Variants in SH3KBP1 observed in about 807,000 individuals in gnomAD.
SH3KBP1 encodes SH3 domain-containing kinase-binding protein 1.
A neutral mutation model predicts 50.1 loss-of-function variants in SH3KBP1; 8 were observed. That is an observed-to-expected ratio of 0.16 (90% CI 0.09 to 0.29). SH3KBP1 has a LOEUF of 0.29. Among genes scored for constraint, SH3KBP1 ranks in the 10% least tolerant of loss-of-function variants. The probability of loss-of-function intolerance (pLI) is 1.00; values close to 1 mark genes in which losing one functional copy is unlikely to be tolerated. For synonymous variants in SH3KBP1, 227 were observed against 218.6 expected (o/e 1.04, Z -0.34); for missense variants, 377 against 535.2 (o/e 0.70, Z 2.92).
intron 1 of SH3KBP1, among the ~76,000 whole-genome samples, chrX:19,857,278 T>A (rs1037549431): frequency 5.4e-5 from 6 of 110,449 alleles, no homozygotes; most frequent in Non-Finnish European, 9.4e-5. Context: ...TATAAATATG[T>A]GTTCTCTGAT....
intron 6 of SH3KBP1, among the ~76,000 whole-genome samples, chrX:19,669,178 C>G (rs113909277): frequency 1.7e-4 from 17 of 102,249 alleles, no homozygotes; most frequent in African/African-American, 5.9e-4. Context: ...GTTGCCGAGG[C>G]TAGTCTCAAA....
At chrX:19,600,867 A>C (rs773808936) in intron 9 of SH3KBP1, among the ~76,000 whole-genome samples, 71 of 111,126 alleles carry the variant, frequency 6.4e-4, no homozygotes, top group Non-Finnish European at 4.3e-4. Context: ...AAAACAGTGG[A>C]TATTAAGAGC....
chrX:19,859,502 G>T (rs2068732379), intron 1 of SH3KBP1, among the ~76,000 whole-genome samples: 1 of 111,817 alleles, frequency 8.9e-6, no homozygotes, highest in South Asian at 3.7e-4. Context: ...AGGCTGCAAG[G>T]TAAGATATAT....
At chrX:19,620,974 T>C (rs770673069) in intron 8 of SH3KBP1, among the ~76,000 whole-genome samples, 3 of 108,481 alleles carry the variant, frequency 2.8e-5, no homozygotes, top group East Asian at 2.8e-4. Context: ...AGATCTATGG[T>C]CCATTTTGAG....
At chrX:19,766,687 T>C (rs1358772926) in intron 2 of SH3KBP1, among the ~76,000 whole-genome samples, 1 of 107,525 alleles carries the variant, frequency 9.3e-6, no homozygotes, top group African/African-American at 3.4e-5. Flanking sequence ...GTATTTTTAG[T>C]AGAGATGGGG....
chrX:19,811,559 T>G (rs1206868027), intron 2 of SH3KBP1, among the ~76,000 whole-genome samples: 3 of 112,377 alleles, frequency 2.7e-5, no homozygotes, highest in African/African-American at 6.5e-5. Flanking sequence ...TGTTAATACT[T>G]CATCAATTCC....
chrX:19,846,649 A>G (rs907650629), intron 1 of SH3KBP1, among the ~76,000 whole-genome samples: 3 of 112,041 alleles, frequency 2.7e-5, no homozygotes, highest in African/African-American at 9.7e-5. Flanking sequence ...TCAAAACAGA[A>G]GAAGAAACAG....
chrX:19,599,370 C>T (rs766149101), intron 9 of SH3KBP1, among the ~76,000 whole-genome samples: 4 of 112,423 alleles, frequency 3.6e-5, no homozygotes, highest in African/African-American at 9.7e-5. Flanking sequence ...AGCAGAGGGG[C>T]ACCAGGGGAG....
intron 14 of SH3KBP1, among the ~76,000 whole-genome samples, chrX:19,548,704 G>A (rs2147624785): frequency 9.0e-6 from 1 of 111,220 alleles, no homozygotes; most frequent in African/African-American, 3.3e-5. Context: ...TGGGATCAGT[G>A]ATGACATGAA....
intron 1 of SH3KBP1, among the ~76,000 whole-genome samples, chrX:19,863,202 CT>C (rs760490027): frequency 3.7e-5 from 4 of 107,974 alleles, no homozygotes; most frequent in Non-Finnish European, 7.7e-5. Flanking sequence ...AGTGTGCTCT[CT>C]TTTTTTTTTA....
chrX:19,844,040 G>A (rs192314197), intron 1 of SH3KBP1, among the ~76,000 whole-genome samples: 4 of 111,575 alleles, frequency 3.6e-5, no homozygotes, highest in African/African-American at 1.3e-4. Flanking sequence ...GACATGGGGT[G>A]AGATTCCTAG....
chrX:19,543,466 G>A (rs1282406004), intron 15 of SH3KBP1, among the ~76,000 whole-genome samples: 2 of 111,597 alleles, frequency 1.8e-5, no homozygotes, highest in Non-Finnish European at 3.8e-5. Context: ...GGTGAAGGGT[G>A]CTGAGAGGAA....
At chrX:19,680,252 C>T (rs1321310219) in intron 6 of SH3KBP1, among the ~76,000 whole-genome samples, 4 of 109,372 alleles carry the variant, frequency 3.7e-5, no homozygotes, top group African/African-American at 1.3e-4. Flanking sequence ...TGGTGGTGTG[C>T]ACCTGTAATC....
At chrX:19,701,848 T>C (rs1408666852) in intron 4 of SH3KBP1, among the ~76,000 whole-genome samples, 2 of 112,357 alleles carry the variant, frequency 1.8e-5, no homozygotes, top group African/African-American at 6.5e-5. Context: ...ACTGAAATAT[T>C]TGATAAATCC....
At chrX:19,645,046 C>T (rs2061959319) in intron 7 of SH3KBP1, among the ~76,000 whole-genome samples, 1 of 111,746 alleles carries the variant, frequency 8.9e-6, no homozygotes, top group South Asian at 3.8e-4. Context: ...CCTGAGGGCT[C>T]GTGAATCCCT....
intron 14 of SH3KBP1, 124 bp from the exon 15 acceptor site, chrX:19,546,174 C>A (rs2065078428): frequency 5.0e-6 from 4 of 792,741 alleles, no homozygotes; most frequent in Non-Finnish European, 5.4e-6. Flanking sequence ...CACGATAACC[C>A]TGTGAGGCAA....
intron 6 of SH3KBP1, among the ~76,000 whole-genome samples, chrX:19,651,199 T>C (rs752936432): frequency 9.1e-6 from 1 of 109,322 alleles, no homozygotes; most frequent in Non-Finnish European, 1.9e-5. Flanking sequence ...CACAAAGGAG[T>C]GTCCTTACAA....
chrX:19,576,366 A>C (rs914094539), intron 12 of SH3KBP1, among the ~76,000 whole-genome samples: 1 of 111,570 alleles, frequency 9.0e-6, no homozygotes, highest in African/African-American at 3.3e-5. Context: ...AAAGAAAAAG[A>C]AAAAAGAAAC....
At chrX:19,655,600 G>C (rs984537934) in intron 6 of SH3KBP1, among the ~76,000 whole-genome samples, 1 of 111,566 alleles carries the variant, frequency 9.0e-6, no homozygotes, top group Non-Finnish European at 1.9e-5. Context: ...TTATTTATTA[G>C]AGGGAGCTAA....
Sources: allele counts gnomAD v4.1 joint callset (sites outside exome capture counted in the v4.1 genomes callset), GRCh38; gene constraint gnomAD v4.1.1; transcripts MANE v1.5; gene names NCBI Gene and HGNC (gene_info 2026-07-23, HGNC 2026-07-21).